The following NLGN1 variants were observed in gnomAD, a reference collection of about 807,000 sequenced individuals.
NLGN1 encodes neuroligin 1, also known as neuroligin-1.
NLGN1 carries 12 observed loss-of-function variants against 65.5 expected under a neutral mutation model. That is an observed-to-expected ratio of 0.18 (90% CI 0.12 to 0.30). The LOEUF (loss-of-function observed/expected upper bound fraction) is 0.30. Among genes scored for constraint, NLGN1 ranks in the 10% least tolerant of loss-of-function variants. The pLI is 1.00. For synonymous variants in NLGN1, 350 were observed against 359.5 expected (o/e 0.97, Z 0.30); for missense variants, 750 against 1,007.1 (o/e 0.74, Z 3.46).
chr3:173,748,226 C>A (rs934372996), intron 3 of NLGN1, among the ~76,000 whole-genome samples: 1 of 151,988 alleles, frequency 6.6e-6, no homozygotes, highest in African/African-American at 2.4e-5. Context: ...AAGAAGGAAG[C>A]AGGTAAAAGA....
chr3:173,802,606 G>A (rs1280316713), intron 3 of NLGN1, among the ~76,000 whole-genome samples: 1 of 152,072 alleles, frequency 6.6e-6, no homozygotes, highest in African/African-American at 2.4e-5. Context: ...GATCAATATT[G>A]AATTTGTTCC....
At chr3:174,161,452 T>G (rs1260466074) in intron 4 of NLGN1, among the ~76,000 whole-genome samples, 1 of 151,888 alleles carries the variant, frequency 6.6e-6, no homozygotes, top group African/African-American at 2.4e-5. Flanking sequence ...TAGGGTTTAG[T>G]TTACGTCTTG....
chr3:173,948,591 C>G (rs1579357726), intron 4 of NLGN1, among the ~76,000 whole-genome samples: 1 of 152,240 alleles, frequency 6.6e-6, no homozygotes, highest in East Asian at 1.9e-4. Flanking sequence ...TGAGAGGCAA[C>G]AGAGTCTAGG....
At chr3:173,585,708 G>A (rs1429278725) in intron 2 of NLGN1, among the ~76,000 whole-genome samples, 2 of 152,232 alleles carry the variant, frequency 1.3e-5, no homozygotes, top group African/African-American at 4.8e-5. Context: ...GCCCAGGCTA[G>A]CGAGTGCGCC....
intron 4 of NLGN1, among the ~76,000 whole-genome samples, chr3:173,906,078 A>G (rs1288989635): frequency 6.6e-6 from 1 of 152,254 alleles, no homozygotes; most frequent in Non-Finnish European, 1.5e-5. Context: ...AAGGGGAAAG[A>G]GAACCACTAT....
intron 2 of NLGN1, among the ~76,000 whole-genome samples, chr3:173,577,077 A>G (rs1219623474): frequency 6.6e-6 from 1 of 152,178 alleles, no homozygotes; most frequent in African/African-American, 2.4e-5. Context: ...CTGTGAGTCT[A>G]TGAAGGAACT....
intron 5 of NLGN1, among the ~76,000 whole-genome samples, chr3:174,278,044 G>T (rs1454702508): frequency 6.6e-6 from 1 of 151,892 alleles, no homozygotes; most frequent in African/African-American, 2.4e-5. Context: ...ACTGCATATG[G>T]AACCATCATT....
intron 3 of NLGN1, among the ~76,000 whole-genome samples, chr3:173,671,906 G>A (rs1762500858): frequency 6.6e-6 from 1 of 152,172 alleles, no homozygotes; most frequent in South Asian, 2.1e-4. Context: ...CGGGCGTGGT[G>A]GCTCACACCT....
At chr3:174,266,647 G>A (rs541978386) in intron 4 of NLGN1, among the ~76,000 whole-genome samples, 2 of 152,236 alleles carry the variant, frequency 1.3e-5, no homozygotes, top group South Asian at 2.1e-4. Context: ...GCTTTCTACA[G>A]TAGCTGAACT....
At chr3:173,409,126 G>A (rs555725163) in intron 1 of NLGN1, among the ~76,000 whole-genome samples, 9 of 152,116 alleles carry the variant, frequency 5.9e-5, no homozygotes, top group Non-Finnish European at 1.0e-4. Flanking sequence ...GCTGCTATAG[G>A]GGAGAACGAA....
chr3:173,902,325 A>T (rs1215477442), intron 4 of NLGN1, among the ~76,000 whole-genome samples: 1 of 152,224 alleles, frequency 6.6e-6, no homozygotes, highest in East Asian at 1.9e-4. Flanking sequence ...TGACTGGCCC[A>T]TGTCTTACTT....
At chr3:173,553,126 A>G (rs1231728381) in intron 2 of NLGN1, among the ~76,000 whole-genome samples, 1 of 152,184 alleles carries the variant, frequency 6.6e-6, no homozygotes, top group Admixed American at 6.5e-5. Flanking sequence ...TATGCCTCCA[A>G]ATTGTAAATA....
chr3:173,748,229 G>A lies in NLGN1; in HGVS notation c.494-59451G>A, dbSNP rs376349343. Among the ~76,000 whole-genome samples, 4 of 152,056 alleles carry A rather than the reference G, an allele frequency of 2.6e-5. No individual in the cohort carries two copies. The East Asian group carries it at 5.8e-4, about 22-fold the overall frequency. ...AAAGATTTTATCAAGAAGGAAGCAG[G>A]TAAAAGAAAATTTCAAGTGTGGAAG... On this transcript the variant is annotated intron_variant, in intron 3 of 6. Transcript: ENST00000457714.
At chr3:173,787,594 T>G (rs1711515116) in intron 3 of NLGN1, among the ~76,000 whole-genome samples, 1 of 152,182 alleles carries the variant, frequency 6.6e-6, no homozygotes, top group Admixed American at 6.5e-5. Flanking sequence ...AAGGGAAGAA[T>G]GAAAATATAA....
At chr3:174,114,584 T>A (rs1715954619) in intron 4 of NLGN1, among the ~76,000 whole-genome samples, 1 of 152,116 alleles carries the variant, frequency 6.6e-6, no homozygotes, top group Admixed American at 6.6e-5. Flanking sequence ...AACAAAAAGG[T>A]AGCCATCTTT....
chr3:173,718,951 A>G (rs1013547239), intron 3 of NLGN1, among the ~76,000 whole-genome samples: 20 of 152,174 alleles, frequency 1.3e-4, no homozygotes, highest in African/African-American at 4.6e-4. Flanking sequence ...GCTGAGCTAT[A>G]GTTGAAAGGA....
chr3:174,275,385 A>G (rs747525356), exon 5 of NLGN1: 1 of 1,612,744 alleles, frequency 6.2e-7, no homozygotes, highest in Non-Finnish European at 8.5e-7. Flanking sequence ...AAGCTTTAAG[A>G]TGGACTAGTG....
chr3:173,576,801 G>A (rs990146003), intron 2 of NLGN1, among the ~76,000 whole-genome samples: 1 of 152,138 alleles, frequency 6.6e-6, no homozygotes, highest in Non-Finnish European at 1.5e-5. Flanking sequence ...GCGGGGGAGG[G>A]TGGTGGAGGG....
intron 4 of NLGN1, among the ~76,000 whole-genome samples, chr3:173,915,860 C>A (rs1330247761): frequency 5.3e-5 from 8 of 151,894 alleles, no homozygotes; most frequent in Non-Finnish European, 1.2e-4. Context: ...CATATTTATG[C>A]TCATATGCAA....
Sources: allele counts gnomAD v4.1 joint callset (sites outside exome capture counted in the v4.1 genomes callset), GRCh38; gene constraint gnomAD v4.1.1; transcripts MANE v1.5; gene names NCBI Gene and HGNC (gene_info 2026-07-23, HGNC 2026-07-21).